The following MGAM2 variants were observed in gnomAD, a reference collection of about 807,000 sequenced individuals.
MGAM2 encodes the protein probable maltase-glucoamylase 2.
A neutral mutation model predicts 96.1 loss-of-function variants in MGAM2; 98 were observed. The ratio of observed to expected loss-of-function variants is 1.02; its 90% CI spans 0.87 to 1.21. The LOEUF is 1.21. Ranked by LOEUF, MGAM2 falls within the 50% of genes most tolerant of loss-of-function variation. The pLI, the probability that MGAM2 is intolerant of heterozygous loss-of-function variation, is 0.00. For synonymous variants in MGAM2, 749 were observed against 414.8 expected, an observed-to-expected ratio of 1.81 and a Z score of -9.79; for missense variants, 2,055 against 1,182.4, an observed-to-expected ratio of 1.74 and a Z score of -10.82.
chr7:142,182,132 C>T (rs1412133744), intron 32 of MGAM2, among the ~76,000 whole-genome samples: 1 of 152,130 alleles, frequency 6.6e-6, no homozygotes, highest in Non-Finnish European at 1.5e-5. Context: ...GAGTGGGGCT[C>T]CTCCCCTACT....
At chr7:142,149,619 C>G (rs766229073) in intron 15 of MGAM2, among the ~76,000 whole-genome samples, 3 of 151,242 alleles carry the variant, frequency 2.0e-5, no homozygotes, top group Non-Finnish European at 4.4e-5. Context: ...CGGCTCACTG[C>G]AAGCTCCGCC....
chr7:142,172,232 C>G (rs766281766), intron 29 of MGAM2, 38 bp downstream of exon 29: 5 of 686,742 alleles, frequency 7.3e-6, no homozygotes, highest in African/African-American at 7.0e-5. Context: ...CCACCAGAAA[C>G]AGCTGTGACC....
intron 23 of MGAM2, among the ~76,000 whole-genome samples, chr7:142,163,560 G>A (rs920896311): frequency 2.0e-5 from 3 of 152,338 alleles, no homozygotes; most frequent in Non-Finnish European, 2.9e-5. Flanking sequence ...GGTTACAGGC[G>A]TGAGCCACCG....
chr7:142,130,092 A>G (rs1794843929), intron 3 of MGAM2, among the ~76,000 whole-genome samples: 1 of 152,106 alleles, frequency 6.6e-6, no homozygotes, highest in Non-Finnish European at 1.5e-5. Context: ...TGAAAATTAT[A>G]AGACCTTTAC....
chr7:142,164,633 A>G (rs1486363329), intron 23 of MGAM2, among the ~76,000 whole-genome samples: 2 of 152,186 alleles, frequency 1.3e-5, no homozygotes, highest in South Asian at 2.1e-4. Flanking sequence ...AGAATCAGTA[A>G]AGAACCAGTG....
chr7:142,197,317 TA>T, intron 40 of MGAM2, 82 bp from the exon 41 acceptor site: 1 of 658,906 alleles, frequency 1.5e-6, no homozygotes, highest in South Asian at 1.7e-5. Flanking sequence ...ACATTTTGAA[TA>T]AATGCCCATT....
intron 32 of MGAM2, among the ~76,000 whole-genome samples, chr7:142,179,026 G>T (rs949012860): frequency 2.0e-5 from 3 of 151,810 alleles, no homozygotes; most frequent in Admixed American, 1.3e-4. Context: ...TTCTGTTGTT[G>T]TCGTAAATGG....
chr7:142,145,115 C>G (rs1169894207), intron 14 of MGAM2, among the ~76,000 whole-genome samples, 170 bp downstream of exon 14: 1 of 152,128 alleles, frequency 6.6e-6, no homozygotes, highest in African/African-American at 2.4e-5. Flanking sequence ...CTCTGATTAC[C>G]CTTTTGCTGT....
In MGAM2 at chr7:142,220,101, T is replaced by A. The variant is rs867130361; in HGVS notation, c.5590T>A (p.Ser1864Thr). The part of the protein sequence containing the change: ...TTDTVPITTT[S>T]FPSTTSVTTN... The stretch of plus-strand genomic sequence containing the variant: ...TGATACTGTTCCTATCACAACCACA[T>A]CTTTCCCAAGTACTACTAGTGTTAC... The change falls in exon 48 of 48, where the codon TCT (serine) becomes ACT (threonine). Residue 1864 changes from serine (S) to threonine (T), a missense_variant. Ser to Thr is a moderately conservative substitution (Grantham distance 58). Coordinates refer to ENST00000477922, the MANE Select transcript of MGAM2 (RefSeq NM_001293626.2). 2 of 702,840 alleles carry A rather than the reference T, an allele frequency of 2.8e-6. No homozygotes were observed. The allele number at this position is 702,840 out of a possible 1,614,324, so 43.5% of individuals were successfully genotyped here.
intron 8 of MGAM2, 111 bp downstream of exon 8, chr7:142,136,751 C>A (rs1262769155): frequency 2.4e-5 from 13 of 535,786 alleles, no homozygotes; most frequent in Middle Eastern, 2.8e-4. Flanking sequence ...GCATTTTGAA[C>A]CTACAATACT....
At chr7:142,141,709 A>G (rs562925393) in intron 12 of MGAM2, among the ~76,000 whole-genome samples, 7 of 152,224 alleles carry the variant, frequency 4.6e-5, no homozygotes, top group African/African-American at 1.7e-4. Flanking sequence ...CATATTGGCC[A>G]GGTTGATCTC....
chr7:142,189,275 T>C (rs1368618166), intron 36 of MGAM2, 92 bp from the exon 37 acceptor site: 1 of 559,838 alleles, frequency 1.8e-6, no homozygotes, highest in Non-Finnish European at 3.2e-6. Context: ...AACAAAGTTG[T>C]TGATTGAAGT....
At chr7:142,117,034 G>T in intron 2 of MGAM2, 55 bp downstream of exon 2, 1 of 701,288 alleles carries the variant, frequency 1.4e-6, no homozygotes, top group Non-Finnish European at 2.6e-6. Flanking sequence ...TCCTGTAAAC[G>T]CCAAAGAGAT....
chr7:142,136,706 T>G (rs970079708), intron 8 of MGAM2, 66 bp downstream of exon 8: 1 of 610,650 alleles, frequency 1.6e-6, no homozygotes, highest in East Asian at 2.8e-5. Flanking sequence ...TTATAAAAAA[T>G]TACTTTTATG....
chr7:142,173,134 T>C (rs1264872469), intron 30 of MGAM2, 95 bp from the exon 31 acceptor site: 7 of 668,804 alleles, frequency 1.0e-5, no homozygotes, highest in Non-Finnish European at 1.4e-5. Flanking sequence ...TCTTATACAG[T>C]ACTTAGCAGA....
At chr7:142,196,521 C>T (rs1245997098) in intron 38 of MGAM2, 44 bp from the exon 39 acceptor site, 1 of 707,658 alleles carries the variant, frequency 1.4e-6, no homozygotes, top group Admixed American at 2.0e-5. Flanking sequence ...ACTCTCCTCC[C>T]AAAGTGCTCC....
At chr7:142,156,154 A>C (rs1431629888) in intron 17 of MGAM2, among the ~76,000 whole-genome samples, 2 of 150,170 alleles carry the variant, frequency 1.3e-5, no homozygotes, top group Admixed American at 6.6e-5. Context: ...TCAAAACAAA[A>C]CAAAAAAAAA....
At chr7:142,166,978 G>A (rs1796045913) in intron 25 of MGAM2, among the ~76,000 whole-genome samples, 3 of 152,120 alleles carry the variant, frequency 2.0e-5, no homozygotes. Context: ...ATGTGTACAT[G>A]TCTATCTCTG....
intron 6 of MGAM2, among the ~76,000 whole-genome samples, chr7:142,132,538 AATAT>A (rs1794922262): frequency 1.5e-5 from 2 of 134,714 alleles, no homozygotes; most frequent in South Asian, 2.2e-4. Flanking sequence ...AAATATATAA[AATAT>A]ATAATTTAAT....
Sources: gnomAD v4.1 joint callset for allele counts (sites outside exome capture counted in the v4.1 genomes callset) on GRCh38, gnomAD v4.1.1 for gene constraint, MANE v1.5 for transcripts, NCBI Gene and HGNC (gene_info 2026-07-23, HGNC 2026-07-21) for gene names.